NXPE2: variants seen among roughly 807,000 people sequenced by gnomAD.
The protein encoded by NXPE2 is NXPE family member 2.
A neutral mutation model predicts 34.4 loss-of-function variants in NXPE2; 34 were observed. The ratio of observed to expected loss-of-function variants is 0.99; its 90% CI spans 0.75 to 1.31. The LOEUF (loss-of-function observed/expected upper bound fraction) is 1.31. Ranked by LOEUF, NXPE2 falls within the 40% of genes most tolerant of loss-of-function variation. The pLI is 0.00. For synonymous variants in NXPE2, 235 were observed against 231.3 expected (o/e 1.02, Z -0.15); for missense variants, 649 against 672.5 (o/e 0.97, Z 0.39).
At chr11:114,811,484 A>G in the NXPE2 span, among the ~76,000 whole-genome samples, 1 of 152,202 alleles carries the variant, frequency 6.6e-6, no homozygotes, top group Non-Finnish European at 1.5e-5. Flanking sequence ...GATTCCAACT[A>G]TCACAACCAG....
the NXPE2 span, among the ~76,000 whole-genome samples, chr11:114,482,480 A>AT: frequency 6.6e-6 from 1 of 152,156 alleles, no homozygotes; most frequent in Non-Finnish European, 1.5e-5. Flanking sequence ...TGCTAACATG[A>AT]TTTTTTATTT....
At chr11:114,602,415 CAT>C in the NXPE2 span, among the ~76,000 whole-genome samples, 5 of 129,770 alleles carry the variant, frequency 3.9e-5, no homozygotes, top group East Asian at 1.1e-3. Flanking sequence ...CACTATTGAA[CAT>C]ATCAATAAAT....
At chr11:114,749,793 C>T in the NXPE2 span, among the ~76,000 whole-genome samples, 6 of 152,150 alleles carry the variant, frequency 3.9e-5, no homozygotes, top group Non-Finnish European at 7.4e-5. Context: ...CCTTTCCACT[C>T]TTCTCAGGCT....
chr11:114,793,744 A>G, the NXPE2 span, among the ~76,000 whole-genome samples: 1 of 152,196 alleles, frequency 6.6e-6, no homozygotes, highest in African/African-American at 2.4e-5. Context: ...GAAATTTTGA[A>G]GAGAGAACTG....
chr11:114,588,871 C>T, the NXPE2 span, among the ~76,000 whole-genome samples: 1 of 152,188 alleles, frequency 6.6e-6, no homozygotes, highest in Non-Finnish European at 1.5e-5. Context: ...GTTTATTACA[C>T]AGGCAGCTCC....
chr11:114,525,188 G>A, the NXPE2 span, among the ~76,000 whole-genome samples: 2 of 151,602 alleles, frequency 1.3e-5, no homozygotes, highest in East Asian at 1.9e-4. Flanking sequence ...TAAATGTTTC[G>A]AGAAACTGGA....
At chr11:114,770,678 C>T in the NXPE2 span, among the ~76,000 whole-genome samples, 33 of 152,312 alleles carry the variant, frequency 2.2e-4, 1 homozygote, top group African/African-American at 7.9e-4. Flanking sequence ...AAGACAGTGC[C>T]TGCTTCCTTC....
the NXPE2 span, among the ~76,000 whole-genome samples, chr11:114,726,862 A>G: frequency 6.6e-6 from 1 of 152,048 alleles, no homozygotes; most frequent in Non-Finnish European, 1.5e-5. Context: ...CTAGTTTCCA[A>G]TAACATGTTC....
chr11:114,653,730 G>C, the NXPE2 span, among the ~76,000 whole-genome samples: 1 of 151,778 alleles, frequency 6.6e-6, no homozygotes, highest in African/African-American at 2.4e-5. Flanking sequence ...GGGTTTCACT[G>C]TGTTAGCCAG....
chr11:114,523,099 CAA>C, the NXPE2 span: 1 of 1,596,748 alleles, frequency 6.3e-7, no homozygotes, highest in South Asian at 1.1e-5. Context: ...TCTCTGGTAA[CAA>C]AGACACTCGT....
At chr11:114,761,237 C>T in the NXPE2 span, among the ~76,000 whole-genome samples, 1 of 152,198 alleles carries the variant, frequency 6.6e-6, no homozygotes, top group East Asian at 1.9e-4. Flanking sequence ...GAAAACTAAG[C>T]TATTTGCAAA....
chr11:114,790,552 T>C, the NXPE2 span, among the ~76,000 whole-genome samples: 5 of 152,168 alleles, frequency 3.3e-5, no homozygotes, highest in East Asian at 9.6e-4. Flanking sequence ...ATTTTCGCTA[T>C]CCCCAATTTC....
the NXPE2 span, among the ~76,000 whole-genome samples, chr11:114,497,709 C>T: frequency 6.6e-6 from 1 of 152,116 alleles, no homozygotes; most frequent in Non-Finnish European, 1.5e-5. Flanking sequence ...AGAATATATC[C>T]TTGTTATTAA....
intron 3 of NXPE2, among the ~76,000 whole-genome samples, chr11:114,701,562 A>G (rs1378891835): frequency 6.6e-6 from 1 of 152,172 alleles, no homozygotes; most frequent in African/African-American, 2.4e-5. Flanking sequence ...ATGGAAATAG[A>G]GATTTCAGTC....
chr11:114,569,834 A>AC, the NXPE2 span, among the ~76,000 whole-genome samples: 2 of 152,062 alleles, frequency 1.3e-5, no homozygotes, highest in Admixed American at 1.3e-4. Flanking sequence ...GCAAAGTGTG[A>AC]CCCCTCACCC....
the NXPE2 span, among the ~76,000 whole-genome samples, chr11:114,573,931 A>G: frequency 6.6e-6 from 1 of 152,148 alleles, no homozygotes; most frequent in Non-Finnish European, 1.5e-5. Flanking sequence ...AGCACATGGA[A>G]CATTCTCCAA....
chr11:114,491,168 C>CAAAAAAAA, the NXPE2 span, among the ~76,000 whole-genome samples: 1 of 53,582 alleles, frequency 1.9e-5, no homozygotes, highest in African/African-American at 1.1e-4. Context: ...GACTCCGTCT[C>CAAAAAAAA]AAAAAAAAAA....
chr11:114,528,903 G>A, the NXPE2 span: 1 of 576,118 alleles, frequency 1.7e-6, no homozygotes, highest in African/African-American at 1.8e-5. Flanking sequence ...TGATGGGTAG[G>A]AAGAGATTTG....
At chr11:114,809,379 A>C in the NXPE2 span, among the ~76,000 whole-genome samples, 16 of 151,854 alleles carry the variant, frequency 1.1e-4, no homozygotes, top group Admixed American at 3.3e-4. Flanking sequence ...AAGGGTATTC[A>C]ATTAGGAAAA....
Sources: allele counts gnomAD v4.1 joint callset (sites outside exome capture counted in the v4.1 genomes callset), GRCh38; gene constraint gnomAD v4.1.1; transcripts MANE v1.5; gene names NCBI Gene and HGNC (gene_info 2026-07-23, HGNC 2026-07-21).